KIF1A: variants seen among roughly 807,000 people sequenced by gnomAD.
The protein encoded by KIF1A is kinesin family member 1A.
A neutral mutation model predicts 227.3 loss-of-function variants in KIF1A; 46 were observed. The ratio of observed to expected loss-of-function variants is 0.20; its 90% CI spans 0.16 to 0.26. The LOEUF is 0.26. Ranked by LOEUF, KIF1A falls within the 10% of genes least tolerant of loss-of-function variation. The pLI is 1.00. For synonymous variants in KIF1A, 1,022 were observed against 1,012.8 expected, an observed-to-expected ratio of 1.01 and a Z score of -0.17; for missense variants, 1,683 against 2,485.9, an observed-to-expected ratio of 0.68 and a Z score of 6.87.
At chr2:240,720,810 C>A in intron 45 of KIF1A, 104 bp downstream of exon 45, 9 of 1,380,284 alleles carry the variant, frequency 6.5e-6, no homozygotes, top group Non-Finnish European at 8.7e-6. Flanking sequence ...AGGCACTCGG[C>A]CATTGGGGCC....
chr2:240,746,481 C>T (rs1293541378), intron 29 of KIF1A, among the ~76,000 whole-genome samples: 10 of 152,226 alleles, frequency 6.6e-5, no homozygotes, highest in East Asian at 1.9e-4. Context: ...GCCGGACCCC[C>T]GCCTGCCAGG....
chr2:240,786,418 C>A lies in KIF1A; in HGVS notation c.525G>T (p.Gly175=). 2 of 1,613,664 alleles carry A rather than the reference C, an allele frequency of 1.2e-6. No individual in the cohort carries two copies. Among genetic ancestry groups the A allele is most frequent in the South Asian group, 1.1e-5 (1 of 91,088 alleles). Residue 175 remains glycine (G), a synonymous_variant, in exon 6 of 49, where the codon GGG becomes GGT. Coordinates refer to ENST00000498729, the MANE Select transcript of KIF1A (RefSeq NM_001244008.2). ...NLRVREHPLL[G]PYVEDLSKLA... ...GCTTGGAGAGGTCCTCCACGTAGGG[C>A]CCCAGCAGTGGGTGCTCCCTCACGC...
intron 1 of KIF1A, among the ~76,000 whole-genome samples, chr2:240,800,485 G>A (rs920532357): frequency 2.6e-5 from 4 of 152,174 alleles, no homozygotes; most frequent in African/African-American, 7.2e-5. Flanking sequence ...GCTGGCCTCC[G>A]CAGCACAGCC....
rs73102678 is a variant in KIF1A at position 240,789,576 on chromosome 2, G to A, written c.107-264C>T. Among the ~76,000 whole-genome samples the A allele has an allele frequency of 0.065, 9,937 of 152,188 alleles. 1,048 individuals are homozygous for A. Among genetic ancestry groups the A allele is most frequent in the African/African-American group, 0.23 (9,354 of 41,508 alleles). Reference sequence around the variant, plus strand: ...GCTCTGTGTCATTCTCCCGCCAAATGCAACTGGCTCCCCTCAAAGGCAGCC... The same window carrying A: ...GCTCTGTGTCATTCTCCCGCCAAATACAACTGGCTCCCCTCAAAGGCAGCC... On this transcript the variant is annotated intron_variant, in intron 2 of 48. Coordinates refer to ENST00000498729, the MANE Select transcript of KIF1A (RefSeq NM_001244008.2). This position sits in a 1 kb window ranked among gnomAD's most constrained non-coding sequence, Gnocchi z 4.8.
rs1328931049 is a variant in KIF1A, at chr2:240,726,050, T to G, written c.4123-646A>C. ...TGTGCTTGCAGATGCCCCTGCCCAC[T>G]GCTCCCCACCCTCCCTCTCCCTCAC... is the stretch of plus-strand genomic sequence containing the variant. On this transcript the variant is annotated intron_variant, in intron 39 of 48. Transcript: ENST00000498729. This position sits in a 1 kb window ranked among gnomAD's most constrained non-coding sequence, Gnocchi z 5.2. 6.6e-6 allele frequency: 1 copy of G among 152,368 alleles called. No individual in the cohort carries two copies. Among genetic ancestry groups the G allele is most frequent in the Non-Finnish European group, 1.5e-5 (1 of 68,140 alleles). The allele number at this position is 152,368 out of a possible 1,614,324, so 9.4% of individuals were successfully genotyped here. A position where few individuals can be genotyped will look rare whatever the true frequency, so the allele number is the denominator to read the frequency against.
chr2:240,723,320 G>T, intron 42 of KIF1A, 93 bp downstream of exon 42: 1 of 1,274,470 alleles, frequency 7.8e-7, no homozygotes, highest in South Asian at 1.6e-5. Context: ...CCCCCCAGTA[G>T]GCACCAGGCC....
At chr2:240,776,188 G>GC (rs36004905) in intron 10 of KIF1A, among the ~76,000 whole-genome samples, 1 of 152,180 alleles carries the variant, frequency 6.6e-6, no homozygotes, top group Admixed American at 6.5e-5. Context: ...CATCCCTGCT[G>GC]CCCCTGGGCC....
In KIF1A at chr2:240,718,062, G is replaced by C. The variant is rs1441708670; in HGVS notation, c.5321C>G (p.Ala1774Gly). ...CAGGCGGCCCTACCGTATGGTCCCG[G>C]CCAGGAGGGGGTTGAAGGCGTACAG... ...DWLYAFNPLLAGTIRSKLSRR... is the reference protein window; with the variant it reads ...DWLYAFNPLLGGTIRSKLSRR... Residue 1774 changes from alanine (A) to glycine (G), a missense_variant, in exon 48 of 49, where the codon GCC (alanine) becomes GGC (glycine). Ala to Gly is a moderately conservative substitution (Grantham distance 60). Transcript: ENST00000498729. 2 of 1,608,496 alleles carry C rather than the reference G, an allele frequency of 1.2e-6. No homozygotes were observed. Among genetic ancestry groups the C allele is most frequent in the Non-Finnish European group, 1.7e-6 (2 of 1,177,796 alleles).
intron 10 of KIF1A, among the ~76,000 whole-genome samples, chr2:240,777,067 CAG>C (rs755684024): frequency 6.6e-6 from 1 of 152,162 alleles, no homozygotes; most frequent in African/African-American, 2.4e-5. Flanking sequence ...TTTTTTGAGA[CAG>C]AGTCTCCCTC....
intron 1 of KIF1A, among the ~76,000 whole-genome samples, chr2:240,813,492 G>A (rs1036329037): frequency 8.5e-5 from 13 of 152,300 alleles, no homozygotes; most frequent in African/African-American, 2.6e-4. Flanking sequence ...TCCACCCTCC[G>A]AGGGTGGTCA....
At chr2:240,762,927 C>T in intron 22 of KIF1A, 92 bp downstream of exon 22, 1 of 1,380,556 alleles carries the variant, frequency 7.2e-7, no homozygotes, top group Admixed American at 2.3e-5. Context: ...GAGATGGGGC[C>T]AGGCAAGCAG....
rs181008248 is a variant in KIF1A, at chr2:240,720,825, G to A, written c.4868+89C>T. On this transcript the variant is annotated intron_variant, in intron 45 of 48. Coordinates refer to ENST00000498729, the MANE Select transcript of KIF1A (RefSeq NM_001244008.2). ...AGGCACTCGGCCATTGGGGCCCCCTGTTCTGTGCTCTCTGTGCCCGAGTCA... is the reference window on the plus strand; with the variant it reads ...AGGCACTCGGCCATTGGGGCCCCCTATTCTGTGCTCTCTGTGCCCGAGTCA... 5.9e-4 allele frequency: 853 copies of A among 1,445,848 alleles called. 15 individuals are homozygous for A. In the Admixed American group the frequency reaches 0.017, roughly 28 times the overall value. 89.6% of individuals were successfully genotyped at this position (1,445,848 alleles called of 1,614,324 possible).
chr2:240,783,910 A>T, intron 7 of KIF1A, 94 bp from the exon 8 acceptor site: 1 of 977,498 alleles, frequency 1.0e-6, no homozygotes, highest in East Asian at 2.6e-5. Flanking sequence ...CTGTTGAAGG[A>T]GCCCTGGCCA....
At chr2:240,761,101 G>T in intron 24 of KIF1A, 128 bp downstream of exon 24, 1 of 1,176,054 alleles carries the variant, frequency 8.5e-7, no homozygotes, top group African/African-American at 1.5e-5. Flanking sequence ...GCCAGGTCAG[G>T]CAGGGCTGCT....
At chr2:240,782,169 GC>G in intron 10 of KIF1A, 1 of 985,334 alleles carries the variant, frequency 1.0e-6, no homozygotes, top group African/African-American at 1.7e-5. Context: ...CTCCACACGC[GC>G]CCGCCTCCCC....
At chr2:240,810,129 C>T (rs2057748221) in intron 1 of KIF1A, among the ~76,000 whole-genome samples, 1 of 152,082 alleles carries the variant, frequency 6.6e-6, no homozygotes, top group South Asian at 2.1e-4. Context: ...GATTTCTTAA[C>T]CCACCGAAAA....
Position 240,790,000 on chromosome 2 carries a change from C to A in KIF1A, c.107-688G>T, listed in dbSNP as rs1225599688. Among the ~76,000 whole-genome samples the A allele has an allele frequency of 6.6e-6, 1 of 152,188 alleles. No homozygotes were observed. The highest frequency in any genetic ancestry group is 2.4e-5 in the African/African-American group (1 of 41,458). On this transcript the variant is annotated intron_variant, in intron 2 of 48. Transcript: ENST00000498729. This position sits in a 1 kb window ranked among gnomAD's most constrained non-coding sequence, Gnocchi z 4.8. ...CCACAGCCGGTGCCTGGGGGGGTTT[C>A]CCAGGAGCTGTCCCAGTATGAGTGT...
In KIF1A at chr2:240,765,739, T is replaced by C. The variant is rs374248209; in HGVS notation, c.1739A>G (p.Lys580Arg). ...EGADTYVNGK[K>R]VTEPSILRSG... is the part of the protein sequence containing the mutation. ...ACGCAGGATGCTGGGCTCTGTGACT[T>C]TCTTGCCATTGACGTAGGTGTCTGC... Residue 580 changes from lysine (K) to arginine (R), a missense_variant, in exon 20 of 49, where the codon AAA (lysine) becomes AGA (arginine). Around this residue, in one of 12 missense-constraint regions of KIF1A, gnomAD observed 217 missense variants for 427.0 expected, o/e 0.51. Coordinates refer to ENST00000498729, the MANE Select transcript of KIF1A (RefSeq NM_001244008.2). 1.1e-5 allele frequency: 17 copies of C among 1,613,566 alleles called. No individual in the cohort carries two copies. The Admixed American group carries it at 1.3e-4, about 13-fold the overall frequency.
Position 240,757,991 on chromosome 2 carries a change from G to T in KIF1A, c.2582+369C>A, listed in dbSNP as rs532685003. Among the ~76,000 whole-genome samples, 3 of 152,328 alleles carry T rather than the reference G, an allele frequency of 2.0e-5. No homozygotes were observed. Among genetic ancestry groups the T allele is most frequent in the South Asian group, 4.1e-4 (2 of 4,826 alleles). On this transcript the variant is annotated intron_variant, in intron 26 of 48. Transcript: ENST00000498729. This position sits in a 1 kb window ranked among gnomAD's most constrained non-coding sequence, Gnocchi z 6.2. Reference sequence around the variant, plus strand: ...GGGGAAGGAGGCAGCCATTTGTAAGGCTCAGGTGACACAGCCCTGCCTCCA... The same window carrying T: ...GGGGAAGGAGGCAGCCATTTGTAAGTCTCAGGTGACACAGCCCTGCCTCCA...
Sources: gnomAD v4.1 joint callset for allele counts (sites outside exome capture counted in the v4.1 genomes callset) on GRCh38, gnomAD v4.1.1 for gene constraint, gnomAD v4.1.1 regional missense constraint, Gnocchi (gnomAD v3.1) non-coding constraint, MANE v1.5 for transcripts, NCBI Gene and HGNC (gene_info 2026-07-23, HGNC 2026-07-21) for gene names.